UBE2Q1: variants seen among roughly 807,000 people sequenced by gnomAD.
UBE2Q1 encodes the protein ubiquitin-conjugating enzyme E2 Q1.
In UBE2Q1, 6 loss-of-function variants were observed where a neutral mutation model predicts 60.1. The ratio of observed to expected loss-of-function variants is 0.10; its 90% CI spans 0.05 to 0.20. UBE2Q1 has a LOEUF of 0.20. UBE2Q1 is among the 10% of genes least tolerant of loss of function. The pLI is 1.00. For synonymous variants in UBE2Q1, 226 were observed against 208.3 expected, an observed-to-expected ratio of 1.09 and a Z score of -0.73; for missense variants, 262 against 525.8, an observed-to-expected ratio of 0.50 and a Z score of 4.91.
chr1:154,553,381 A>C (rs1035303540), intron 4 of UBE2Q1, among the ~76,000 whole-genome samples: 2 of 152,204 alleles, frequency 1.3e-5, no homozygotes, highest in African/African-American at 4.8e-5. Context: ...TTCAGCTCTC[A>C]AGCTACAGCA....
At position 154,555,886 on chromosome 1, in the gene UBE2Q1, C is replaced by T. The variant is rs1695876254; in HGVS notation, c.406G>A (p.Val136Met). ...AGAGTATTCCCTTTCTTTATGTCCACCAGCCTCTCCAAGACAGCAGCCAAG... is the reference window on the plus strand; with the variant it reads ...AGAGTATTCCCTTTCTTTATGTCCATCAGCCTCTCCAAGACAGCAGCCAAG... The part of the protein sequence containing the change: ...PNLAAVLERL[V>M]DIKKGNTLLL... The change falls in exon 2 of 13, where the codon GTG becomes ATG. Residue 136 changes from valine to methionine, a missense_variant. By Grantham distance (21) the Val-to-Met change is conservative. Coordinates refer to ENST00000292211, the MANE Select transcript of UBE2Q1 (RefSeq NM_017582.7). 3 of 1,614,054 alleles carry T rather than the reference C, an allele frequency of 1.9e-6. No homozygotes were observed. Among genetic ancestry groups the T allele is most frequent in the Admixed American group, 1.7e-5 (1 of 60,010 alleles).
At chr1:154,553,249 C>G in intron 4 of UBE2Q1, 77 bp from the exon 5 acceptor site, 1 of 1,542,458 alleles carries the variant, frequency 6.5e-7, no homozygotes, top group Non-Finnish European at 8.7e-7. Context: ...ATCACCTTCC[C>G]AGTCCCATTT....
In UBE2Q1 at chr1:154,550,233, C is replaced by A; in HGVS notation, c.*205G>T. On this transcript the variant is annotated 3_prime_UTR_variant, in exon 13 of 13. Transcript: ENST00000292211. ...CAAGGTGGTTGGTTGGTCTGTAAGT[C>A]AGTCTTGAGTACTTGAAACAGTTCT... is the stretch of plus-strand genomic sequence containing the variant. The A allele has an allele frequency of 1.5e-6, 1 of 664,002 alleles. No homozygotes were observed. 41.1% of individuals were successfully genotyped at this position (664,002 alleles called of 1,614,324 possible).
rs1318793019 is a variant in UBE2Q1 at position 154,551,826 on chromosome 1, G to A, written c.1026-7C>T. On this transcript the variant is annotated splice_region_variant and splice_polypyrimidine_tract_variant and intron_variant, in intron 9 of 12. Coordinates refer to ENST00000292211, the MANE Select transcript of UBE2Q1 (RefSeq NM_017582.7). ...CCCTCCGCCCAGAACATACCTGCAT[G>A]AGAAAGGTTAGTCAGCTGTGCCTGA... The A allele has an allele frequency of 1.9e-6, 3 of 1,614,218 alleles. No homozygotes were observed. Among genetic ancestry groups the A allele is most frequent in the South Asian group, 2.2e-5 (2 of 91,082 alleles).
At position 154,550,488 on chromosome 1, in the gene UBE2Q1, G is replaced by A. The variant is rs1186435715; in HGVS notation, c.1238-19C>T. The A allele has an allele frequency of 9.3e-6, 15 of 1,613,786 alleles. No individual in the cohort carries two copies. In the East Asian group the frequency reaches 1.6e-4, roughly 17 times the overall value. On this transcript the variant is annotated intron_variant, in intron 12 of 12. Coordinates refer to ENST00000292211, the MANE Select transcript of UBE2Q1 (RefSeq NM_017582.7). ...TACCAGCCTGCAAAGAAATGGAATGGTCAGTGAGGTGAAGGTTCAGGCCCA... is the reference window on the plus strand; with the variant it reads ...TACCAGCCTGCAAAGAAATGGAATGATCAGTGAGGTGAAGGTTCAGGCCCA...
At position 154,558,610 on chromosome 1, in the gene UBE2Q1, G is replaced by A. The variant is rs1695937297; in HGVS notation, c.-57C>T. The A allele has an allele frequency of 3.1e-6, 3 of 957,764 alleles. No homozygotes were observed. Among genetic ancestry groups the A allele is most frequent in the Admixed American group, 9.5e-5 (1 of 10,576 alleles). The allele number at this position is 957,764 out of a possible 1,614,324, so 59.3% of individuals were successfully genotyped here. A position where few individuals can be genotyped will look rare whatever the true frequency, so the allele number is the denominator to read the frequency against. On this transcript the variant is annotated 5_prime_UTR_variant, in exon 1 of 13. Transcript: ENST00000292211. ...GCCGGGAGCCTCCGGCCTGCGCTCC[G>A]GGCTCCGCCGCCGCCGCCGCCGCCG...
chr1:154,557,737 G>C (rs1218366202), intron 1 of UBE2Q1, among the ~76,000 whole-genome samples: 1 of 152,196 alleles, frequency 6.6e-6, no homozygotes, highest in African/African-American at 2.4e-5. Context: ...GGGTCTGCAT[G>C]AGGGATGCCT....
At chr1:154,555,561 A>T in intron 2 of UBE2Q1, 29 bp from the exon 3 acceptor site, 2 of 1,597,196 alleles carry the variant, frequency 1.3e-6, no homozygotes, top group East Asian at 2.2e-5. Context: ...AGAGACATCA[A>T]ATCCTTCCCC....
At chr1:154,551,028 C>A (rs768890825) in intron 11 of UBE2Q1, 24 bp from the exon 12 acceptor site, 1 of 1,613,838 alleles carries the variant, frequency 6.2e-7, no homozygotes, top group South Asian at 1.1e-5. Context: ...GCCACCAGAT[C>A]AGGCCATGGC....
rs1469836569 is a variant in UBE2Q1, at chr1:154,549,171, T to A, written c.*1267A>T. 1.3e-5 allele frequency: 2 copies of A among 152,300 alleles called. No homozygotes were observed. The highest frequency in any genetic ancestry group is 1.5e-5 in the Non-Finnish European group (1 of 68,106). 9.4% of individuals were successfully genotyped at this position (152,300 alleles called of 1,614,324 possible). On this transcript the variant is annotated 3_prime_UTR_variant, in exon 13 of 13. Transcript: ENST00000292211. ...AGAGATGCAGGCAGCACCCGCTAGATGCAAAGTCATGCCCAAACTTTTACA... is the reference window on the plus strand; with the variant it reads ...AGAGATGCAGGCAGCACCCGCTAGAAGCAAAGTCATGCCCAAACTTTTACA...
intron 4 of UBE2Q1, among the ~76,000 whole-genome samples, chr1:154,554,265 G>A (rs370486139): frequency 6.6e-6 from 1 of 152,006 alleles, no homozygotes; most frequent in African/African-American, 2.4e-5. Flanking sequence ...TCCTAACCAT[G>A]ATTTTATATT....
rs757287266 is a variant in UBE2Q1, at chr1:154,551,981, T to TGAGA, written c.967-6_967-3dup. 1.9e-6 allele frequency: 3 copies of TGAGA among 1,611,358 alleles called. No individual in the cohort carries two copies. The highest frequency in any genetic ancestry group is 2.5e-6 in the Non-Finnish European group (3 of 1,178,218). Reference sequence around the variant, plus strand: ...TGGTGGGTCAAAGGGAAAGTTATCCTGAGAGAGAGAGAGACGACAATCAGG... The same window carrying TGAGA: ...TGGTGGGTCAAAGGGAAAGTTATCCTGAGAGAGAGAGAGAGAGACGACAATCAGG... On this transcript the variant is annotated splice_region_variant and splice_polypyrimidine_tract_variant and intron_variant, in intron 8 of 12. Coordinates refer to ENST00000292211, the MANE Select transcript of UBE2Q1 (RefSeq NM_017582.7).
In UBE2Q1 at chr1:154,549,565, A is replaced by G. The variant is rs1695755866; in HGVS notation, c.*873T>C. 1 of 151,374 alleles carries G rather than the reference A, an allele frequency of 6.6e-6. No homozygotes were observed. The highest frequency in any genetic ancestry group is 2.5e-5 in the African/African-American group (1 of 40,142). The allele number at this position is 151,374 out of a possible 1,614,324, so 9.4% of individuals were successfully genotyped here. A position where few individuals can be genotyped will look rare whatever the true frequency, so the allele number is the denominator to read the frequency against. ...AGCCACACAGCTGAGATCAGAAAAG[A>G]CCACATACACACTTGGAGACTGTGT... is the stretch of plus-strand genomic sequence containing the variant. On this transcript the variant is annotated 3_prime_UTR_variant, in exon 13 of 13. Coordinates refer to ENST00000292211, the MANE Select transcript of UBE2Q1 (RefSeq NM_017582.7).
At position 154,549,327 on chromosome 1, in the gene UBE2Q1, C is replaced by G. The variant is rs1024458107; in HGVS notation, c.*1111G>C. ...GTATAGAACAACCCCCCTTAAAATG[C>G]TAACCCTTTCTAGTAGGACCCACCT... On this transcript the variant is annotated 3_prime_UTR_variant, in exon 13 of 13. Coordinates refer to ENST00000292211, the MANE Select transcript of UBE2Q1 (RefSeq NM_017582.7). 9 of 152,230 alleles carry G rather than the reference C, an allele frequency of 5.9e-5. No homozygotes were observed. The highest frequency in any genetic ancestry group is 1.3e-4 in the Non-Finnish European group (9 of 68,046). 9.4% of individuals were successfully genotyped at this position (152,230 alleles called of 1,614,324 possible). A position where few individuals can be genotyped will look rare whatever the true frequency, so the allele number is the denominator to read the frequency against.
chr1:154,551,860 C>T (rs1277127583), intron 9 of UBE2Q1, 41 bp from the exon 10 acceptor site: 1 of 1,614,202 alleles, frequency 6.2e-7, no homozygotes. Flanking sequence ...GACAAAATCT[C>T]CAAGTCTCTT....
intron 11 of UBE2Q1, 193 bp from the exon 12 acceptor site, chr1:154,551,197 A>G (rs1571006854): frequency 1.2e-6 from 1 of 842,562 alleles, no homozygotes; most frequent in African/African-American, 1.7e-5. Flanking sequence ...CAGACCCGAA[A>G]CCTCCCAAAA....
rs139414697 is a variant in UBE2Q1, at chr1:154,548,579, T to C, written c.*1859A>G. The C allele has an allele frequency of 3.3e-3, 504 of 152,740 alleles. 1 individual carries two copies. The highest frequency in any genetic ancestry group is 5.9e-3 in the Non-Finnish European group (401 of 68,006). The allele number at this position is 152,740 out of a possible 1,614,324, so 9.5% of individuals were successfully genotyped here. A position where few individuals can be genotyped will look rare whatever the true frequency, so the allele number is the denominator to read the frequency against. Reference sequence around the variant, plus strand: ...AAATAATTTTATTAGAGCCAAACTATTTAAATAATTTTATTTGTTTCATCC... The same window carrying C: ...AAATAATTTTATTAGAGCCAAACTACTTAAATAATTTTATTTGTTTCATCC... On this transcript the variant is annotated 3_prime_UTR_variant, in exon 13 of 13. Transcript: ENST00000292211.
chr1:154,551,621 C>T (rs1284992673), intron 10 of UBE2Q1, 129 bp from the exon 11 acceptor site: 2 of 1,434,324 alleles, frequency 1.4e-6, no homozygotes, highest in African/African-American at 1.4e-5. Flanking sequence ...ACTGCCACCA[C>T]CTGTCTGTCT....
intron 12 of UBE2Q1, 38 bp downstream of exon 12, chr1:154,550,900 A>T: frequency 6.2e-7 from 1 of 1,613,934 alleles, no homozygotes; most frequent in Non-Finnish European, 8.5e-7. Context: ...TGGGTGTGGC[A>T]AGTGTCCGAA....
Sources: gnomAD v4.1 joint callset for allele counts (sites outside exome capture counted in the v4.1 genomes callset) on GRCh38, gnomAD v4.1.1 for gene constraint, MANE v1.5 for transcripts, NCBI Gene and HGNC (gene_info 2026-07-23, HGNC 2026-07-21) for gene names.